TCEA1: variants seen among roughly 807,000 people sequenced by gnomAD.
TCEA1 encodes the protein transcription elongation factor A1, also known as transcription elongation factor A protein 1.
TCEA1 carries 21 observed loss-of-function variants against 43.8 expected under a neutral mutation model. The ratio of observed to expected loss-of-function variants is 0.48; its 90% CI spans 0.34 to 0.69. The LOEUF (loss-of-function observed/expected upper bound fraction) is 0.69, where lower values mean the gene tolerates loss of function less well. Ranked by LOEUF, TCEA1 falls within the 30% of genes least tolerant of loss-of-function variation. The pLI, the probability that TCEA1 is intolerant of heterozygous loss-of-function variation, is 0.01. For synonymous variants in TCEA1, 104 were observed against 117.5 expected, an observed-to-expected ratio of 0.88 and a Z score of 0.75; for missense variants, 250 against 365.1, an observed-to-expected ratio of 0.68 and a Z score of 2.57.
At position 53,974,887 on chromosome 8, in the gene TCEA1, C is replaced by T. The variant is rs1485558888; in HGVS notation, c.825+4138G>A. Among the ~76,000 whole-genome samples, 6 of 151,822 alleles carry T rather than the reference C, an allele frequency of 4.0e-5. No homozygotes were observed. The East Asian group carries it at 9.6e-4, about 24-fold the overall frequency. On this transcript the variant is annotated intron_variant, in intron 8 of 9. Coordinates refer to ENST00000521604, the MANE Select transcript of TCEA1 (RefSeq NM_006756.4). Reference sequence around the variant, plus strand: ...CTATGTAAAAATAGAGCAGTATCTACGCTTGTTTGTTTAAAGGTTAGGGAT... The same window carrying T: ...CTATGTAAAAATAGAGCAGTATCTATGCTTGTTTGTTTAAAGGTTAGGGAT...
intron 1 of TCEA1, among the ~76,000 whole-genome samples, chr8:54,015,670 C>G (rs560148906): frequency 1.3e-5 from 2 of 152,070 alleles, no homozygotes; most frequent in Non-Finnish European, 2.9e-5. Context: ...AGGCCACAAC[C>G]AAGAGCAGAC....
chr8:54,001,019 A>C (rs1804239361), intron 2 of TCEA1, among the ~76,000 whole-genome samples: 1 of 152,098 alleles, frequency 6.6e-6, no homozygotes, highest in Non-Finnish European at 1.5e-5. Flanking sequence ...TCAGCCTCCA[A>C]AGTGCTGGGA....
At chr8:54,006,946 T>C (rs1468042359) in intron 2 of TCEA1, among the ~76,000 whole-genome samples, 1 of 152,120 alleles carries the variant, frequency 6.6e-6, no homozygotes, top group African/African-American at 2.4e-5. Context: ...CAAGTGGTTC[T>C]CCTGCCTCAG....
chr8:53,979,998 T>C (rs1325026794), intron 7 of TCEA1, among the ~76,000 whole-genome samples: 5 of 152,172 alleles, frequency 3.3e-5, no homozygotes, highest in African/African-American at 1.2e-4. Context: ...GGGAGACTAA[T>C]GTGAGTAATA....
chr8:53,996,705 T>C (rs924856028), intron 3 of TCEA1, among the ~76,000 whole-genome samples: 1 of 142,714 alleles, frequency 7.0e-6, no homozygotes, highest in Non-Finnish European at 1.5e-5. Flanking sequence ...AAATAATAGT[T>C]ATGATAGAAA....
At chr8:54,017,100 A>T (rs953498582) in intron 1 of TCEA1, among the ~76,000 whole-genome samples, 2 of 152,160 alleles carry the variant, frequency 1.3e-5, no homozygotes, top group African/African-American at 4.8e-5. Context: ...GACAGAAAGT[A>T]TATTAGTGGC....
intron 7 of TCEA1, among the ~76,000 whole-genome samples, chr8:53,981,951 GATGGGAACTTGCT>G (rs1803523409): frequency 7.7e-6 from 1 of 129,702 alleles, no homozygotes; most frequent in Admixed American, 7.9e-5. Flanking sequence ...TTTTTGTAGA[GATGGGAACTTGCT>G]ATGTTGCCCG....
At chr8:53,979,225 T>C (rs1390158964) in intron 7 of TCEA1, 54 bp from the exon 8 acceptor site, 64 of 1,490,418 alleles carry the variant, frequency 4.3e-5, no homozygotes, top group Non-Finnish European at 5.8e-5. Flanking sequence ...ATATATATCC[T>C]GAATGCTTTT....
intron 1 of TCEA1, among the ~76,000 whole-genome samples, chr8:54,011,176 CAT>C (rs1804640563): frequency 6.6e-6 from 1 of 152,208 alleles, no homozygotes; most frequent in Non-Finnish European, 1.5e-5. Flanking sequence ...TCACCTTTTA[CAT>C]ATGTAAAAAC....
At chr8:54,018,118 TATC>T (rs1170520701) in intron 1 of TCEA1, among the ~76,000 whole-genome samples, 1 of 152,250 alleles carries the variant, frequency 6.6e-6, no homozygotes, top group Non-Finnish European at 1.5e-5. Context: ...CTGATATAGA[TATC>T]AAAGTTTTGT....
At chr8:53,973,050 C>G in intron 8 of TCEA1, 1 of 673,044 alleles carries the variant, frequency 1.5e-6, no homozygotes, top group Non-Finnish European at 2.8e-6. Context: ...AAAGGAAGAG[C>G]TTTTGGACAT....
intron 8 of TCEA1, chr8:53,971,778 C>A: frequency 8.5e-6 from 2 of 236,178 alleles, no homozygotes; most frequent in Non-Finnish European, 1.6e-5. Flanking sequence ...GAAAAAACTC[C>A]AGACTAAAAA....
rs184534362 is a variant in TCEA1, at chr8:54,016,026, T to C, written c.64-5534A>G. On this transcript the variant is annotated intron_variant, in intron 1 of 9. Transcript: ENST00000521604. ...AGGCTATAATCAAGACAAATGATAT[T>C]GGTGAAAATGAGGTGAAACTGGAAT... Among the ~76,000 whole-genome samples the C allele has an allele frequency of 3.3e-5, 5 of 152,318 alleles. No homozygotes were observed. In the East Asian group the frequency reaches 9.6e-4, roughly 29 times the overall value.
At chr8:53,989,019 G>C (rs1349518820) in intron 4 of TCEA1, among the ~76,000 whole-genome samples, 2 of 151,512 alleles carry the variant, frequency 1.3e-5, no homozygotes, top group Non-Finnish European at 2.9e-5. Flanking sequence ...AGTGAGCCAA[G>C]ACTGCACCAC....
chr8:53,987,170 ATCACT>A lies in TCEA1; in HGVS notation c.467-150_467-146del, dbSNP rs1480521898. On this transcript the variant is annotated intron_variant, in intron 5 of 9. Coordinates refer to ENST00000521604, the MANE Select transcript of TCEA1 (RefSeq NM_006756.4). ...GTTCAGTTTAGTTCGTTAGAATCTG[ATCACT>A]TCACTGCCCGCTAGACTTCTTTTCT... 4 of 704,910 alleles carry A rather than the reference ATCACT, an allele frequency of 5.7e-6. No homozygotes were observed. In the African/African-American group the frequency reaches 7.3e-5, roughly 13 times the overall value. The allele number at this position is 704,910 out of a possible 1,614,324, so 43.7% of individuals were successfully genotyped here. A position where few individuals can be genotyped will look rare whatever the true frequency, so the allele number is the denominator to read the frequency against.
intron 4 of TCEA1, among the ~76,000 whole-genome samples, chr8:53,989,187 TC>T (rs1563483814): frequency 6.6e-6 from 1 of 152,188 alleles, no homozygotes; most frequent in Non-Finnish European, 1.5e-5. Context: ...GGTGTGTTTC[TC>T]CCCAGAAACA....
intron 8 of TCEA1, chr8:53,978,767 ATTAAG>A (rs1264218858): frequency 5.7e-6 from 2 of 350,654 alleles, no homozygotes; most frequent in East Asian, 4.6e-5. Context: ...ATTCTATTTG[ATTAAG>A]TTATTATTGT....
rs533995221 is a variant in TCEA1 at position 54,017,245 on chromosome 8, C to G, written c.63+4818G>C. On this transcript the variant is annotated intron_variant, in intron 1 of 9. Transcript: ENST00000521604. ...TACAGTAGTAATAGTTGCACAAACCCGTAAATACACTAAAAGCCACTGAAT... is the reference window on the plus strand; with the variant it reads ...TACAGTAGTAATAGTTGCACAAACCGGTAAATACACTAAAAGCCACTGAAT... Among the ~76,000 whole-genome samples the G allele has an allele frequency of 3.9e-5, 6 of 151,962 alleles. No individual in the cohort carries two copies. The East Asian group carries it at 1.2e-3, about 29-fold the overall frequency.
At chr8:54,015,239 A>T (rs1460343907) in intron 1 of TCEA1, among the ~76,000 whole-genome samples, 1 of 151,232 alleles carries the variant, frequency 6.6e-6, no homozygotes, top group African/African-American at 2.4e-5. Context: ...GCGTGATCTC[A>T]GTTCGCTGCA....
Sources: allele counts gnomAD v4.1 joint callset (sites outside exome capture counted in the v4.1 genomes callset), GRCh38; gene constraint gnomAD v4.1.1; transcripts MANE v1.5; gene names NCBI Gene and HGNC (gene_info 2026-07-23, HGNC 2026-07-21).